LOXHD1: variants seen among roughly 807,000 people sequenced by gnomAD.
LOXHD1 encodes the protein lipoxygenase homology domain-containing protein 1.
In LOXHD1, 205 loss-of-function variants were observed where a neutral mutation model predicts 248.2. The observed-to-expected ratio is 0.83, with a 90% CI of 0.74 to 0.93. LOXHD1 has a LOEUF of 0.93. Among genes scored for constraint, LOXHD1 ranks in the 40% least tolerant of loss-of-function variants. The pLI is 0.00. For synonymous variants in LOXHD1, 1,113 were observed against 1,162.8 expected, an observed-to-expected ratio of 0.96 and a Z score of 0.87; for missense variants, 2,930 against 2,971.6, an observed-to-expected ratio of 0.99 and a Z score of 0.33.
intron 33 of LOXHD1, chr18:46,519,165 C>G (rs1412240303): frequency 1.1e-6 from 1 of 901,800 alleles, no homozygotes; most frequent in Non-Finnish European, 1.3e-6. Flanking sequence ...TTCCTTCTCA[C>G]CAAGTGCCCC....
At chr18:46,536,176 G>A (rs1481138887) in intron 26 of LOXHD1, among the ~76,000 whole-genome samples, 3 of 152,166 alleles carry the variant, frequency 2.0e-5, no homozygotes, top group Non-Finnish European at 4.4e-5. Context: ...TAAATGAGTT[G>A]ATACACATCA....
intron 12 of LOXHD1, among the ~76,000 whole-genome samples, chr18:46,590,449 A>G (rs2038145583): frequency 6.6e-6 from 1 of 152,192 alleles, no homozygotes; most frequent in South Asian, 2.1e-4. Context: ...AGGGTTTCAA[A>G]AGCAGTTACG....
In LOXHD1 at chr18:46,600,522, T is replaced by C. The variant is rs141537328; in HGVS notation, c.1134+695A>G. ...CTGAGGCAGGAGAATCACTTGAACCTGGGAGGTGGAGGTTGCAGTGAGCTG... is the reference window on the plus strand; with the variant it reads ...CTGAGGCAGGAGAATCACTTGAACCCGGGAGGTGGAGGTTGCAGTGAGCTG... On this transcript the variant is annotated intron_variant, in intron 8 of 40. Coordinates refer to ENST00000642948, the MANE Select transcript of LOXHD1 (RefSeq NM_001384474.1). Among the ~76,000 whole-genome samples the C allele has an allele frequency of 3.1e-3, 464 of 147,888 alleles. 22 individuals carry two copies. In the East Asian group the frequency reaches 0.082, roughly 26 times the overall value.
At chr18:46,491,916 C>T (rs1001475075) in intron 37 of LOXHD1, among the ~76,000 whole-genome samples, 18 of 152,306 alleles carry the variant, frequency 1.2e-4, no homozygotes, top group African/African-American at 4.1e-4. Flanking sequence ...GGCCCCCTTT[C>T]CCCCGTCCTC....
intron 17 of LOXHD1, 126 bp downstream of exon 17, chr18:46,566,130 TC>T: frequency 9.9e-7 from 1 of 1,010,840 alleles, no homozygotes; most frequent in Admixed American, 3.0e-5. Flanking sequence ...CCCCATTTTC[TC>T]CCTGCAGGAC....
chr18:46,525,388 TGA>T (rs1462286912), intron 29 of LOXHD1, among the ~76,000 whole-genome samples: 1 of 152,060 alleles, frequency 6.6e-6, no homozygotes, highest in African/African-American at 2.4e-5. Flanking sequence ...TGAAATTCCC[TGA>T]GAGATGCTGA....
chr18:46,559,373 G>T (rs115062504), intron 20 of LOXHD1, 75 bp downstream of exon 20: 15 of 1,550,466 alleles, frequency 9.7e-6, no homozygotes, highest in African/African-American at 4.1e-5. Flanking sequence ...ATTGTGCTGC[G>T]ATGGGCTGCC....
intron 1 of LOXHD1, among the ~76,000 whole-genome samples, chr18:46,656,626 C>T (rs745337604): frequency 6.6e-6 from 1 of 152,204 alleles, no homozygotes; most frequent in Non-Finnish European, 1.5e-5. Flanking sequence ...AGCTGGAGAA[C>T]ATGGGGCCAT....
At chr18:46,551,834 AG>A (rs2037117632) in intron 21 of LOXHD1, among the ~76,000 whole-genome samples, 1 of 152,238 alleles carries the variant, frequency 6.6e-6, no homozygotes, top group Admixed American at 6.5e-5. Flanking sequence ...CCATCTAAAA[AG>A]GTGGTACGTA....
intron 40 of LOXHD1, 145 bp downstream of exon 40, chr18:46,483,442 C>T: frequency 1.0e-6 from 1 of 963,454 alleles, no homozygotes; most frequent in Admixed American, 2.2e-5. Context: ...CTCTTCCCTT[C>T]CTGCCTTCTA....
chr18:46,639,790 C>T lies in LOXHD1; in HGVS notation c.337G>A (p.Asp113Asn), dbSNP rs923607482. The change falls in exon 4 of 41, where the codon GAC becomes AAC. Residue 113 changes from aspartate (D) to asparagine (N), a missense_variant. Transcript: ENST00000642948. Reference protein sequence around the residue: ...GLIYKVRIEHDNTGLNASWYL... With the variant: ...GLIYKVRIEHNNTGLNASWYL... ...CAGCTGGCATTCAAGCCCGTGTTGTCATGCTCAATCCTGAGGCAGAAGCCA... is the reference window on the plus strand; with the variant it reads ...CAGCTGGCATTCAAGCCCGTGTTGTTATGCTCAATCCTGAGGCAGAAGCCA... 42 of 1,551,596 alleles carry T rather than the reference C, an allele frequency of 2.7e-5. No homozygotes were observed. The Middle Eastern group carries it at 1.0e-3, about 37-fold the overall frequency.
chr18:46,563,142 C>A lies in LOXHD1; in HGVS notation c.2521G>T (p.Glu841Ter). ...SARVYMQIYG[E>*]KGKTEVLFLS... ...AAGAGCACTTCTGTCTTGCCTTTCT[C>A]TCCATAGATCTGCATGTAGACTCGG... is the stretch of plus-strand genomic sequence containing the variant. Residue 841 changes from glutamate to a stop codon, truncating the protein, a stop_gained, in exon 18 of 41, where the codon GAG (glutamate) becomes TAG (stop). Coordinates refer to ENST00000642948, the MANE Select transcript of LOXHD1 (RefSeq NM_001384474.1). LOFTEE classifies it high-confidence loss of function. 1 of 1,545,498 alleles carries A rather than the reference C, an allele frequency of 6.5e-7. No homozygotes were observed. The highest frequency in any genetic ancestry group is 1.2e-5 in the South Asian group (1 of 83,880).
intron 25 of LOXHD1, among the ~76,000 whole-genome samples, chr18:46,540,654 C>CTTTTTTTTTTTTT (rs60099172): frequency 2.5e-4 from 23 of 91,400 alleles, no homozygotes; most frequent in Non-Finnish European, 3.4e-4. Context: ...AACTCTTTAT[C>CTTTTTTTTTTTTT]TTTTTTTTTT....
At chr18:46,542,266 T>A (rs999671935) in intron 24 of LOXHD1, among the ~76,000 whole-genome samples, 10 of 152,176 alleles carry the variant, frequency 6.6e-5, no homozygotes, top group Admixed American at 1.3e-4. Flanking sequence ...AGAAGGGGCT[T>A]CAAACAGAAC....
At chr18:46,511,945 G>T (rs528843035) in intron 34 of LOXHD1, among the ~76,000 whole-genome samples, 1 of 152,256 alleles carries the variant, frequency 6.6e-6, no homozygotes, top group African/African-American at 2.4e-5. Context: ...GAAAATTTTG[G>T]CAGTGGAAGA....
At chr18:46,577,505 T>C (rs2037880057) in intron 14 of LOXHD1, among the ~76,000 whole-genome samples, 1 of 152,174 alleles carries the variant, frequency 6.6e-6, no homozygotes. Flanking sequence ...ACCACAGTGG[T>C]GTTCATCACG....
At chr18:46,506,154 C>G (rs2034558478) in intron 36 of LOXHD1, 131 bp from the exon 37 acceptor site, 3 of 929,458 alleles carry the variant, frequency 3.2e-6, no homozygotes, top group Non-Finnish European at 4.8e-6. Flanking sequence ...TCAAGAAGGC[C>G]AGGGGTGAGG....
chr18:46,530,960 C>T (rs1180081228), intron 28 of LOXHD1, among the ~76,000 whole-genome samples: 2 of 152,150 alleles, frequency 1.3e-5, no homozygotes, highest in Admixed American at 6.5e-5. Flanking sequence ...CCTTCCTTTG[C>T]TTCGGATCCG....
Position 46,477,465 on chromosome 18 carries a change from T to C in LOXHD1, c.*7A>G, listed in dbSNP as rs908802330. ...CATCTCAGTGAGAGGGTGGGGGCCC[T>C]AGCCCCTCAGACAGAAGGGAAGAGG... is the stretch of plus-strand genomic sequence containing the variant. On this transcript the variant is annotated 3_prime_UTR_variant, in exon 41 of 41. Transcript: ENST00000642948. 18 of 1,543,446 alleles carry C rather than the reference T, an allele frequency of 1.2e-5. No homozygotes were observed. The highest frequency in any genetic ancestry group is 1.4e-5 in the Non-Finnish European group (16 of 1,141,708).
Sources: gnomAD v4.1 joint callset for allele counts (sites outside exome capture counted in the v4.1 genomes callset) on GRCh38, gnomAD v4.1.1 for gene constraint, MANE v1.5 for transcripts, NCBI Gene and HGNC (gene_info 2026-07-23, HGNC 2026-07-21) for gene names.